The following IGFBP2 variants were observed in gnomAD, a reference collection of about 807,000 sequenced individuals.
IGFBP2 encodes insulin like growth factor binding protein 2, also known as insulin-like growth factor-binding protein 2.
IGFBP2 carries 12 observed loss-of-function variants against 26.2 expected under a neutral mutation model. That is an observed-to-expected ratio of 0.46 (90% CI 0.29 to 0.74). IGFBP2 has a LOEUF of 0.74. IGFBP2 is among the 30% of genes least tolerant of loss of function. IGFBP2 has a pLI of 0.09. For missense variants in IGFBP2, 328 were observed against 441.2 expected (o/e 0.74, Z 2.30); for synonymous variants, 189 against 200.6 (o/e 0.94, Z 0.49).
chr2:216,661,807 C>T (rs755166400), intron 2 of IGFBP2, 51 bp from the exon 3 acceptor site: 21 of 1,610,180 alleles, frequency 1.3e-5, no homozygotes, highest in South Asian at 6.6e-5. Context: ...GCGCGTGCTT[C>T]GTGGGCCTGC....
At chr2:216,650,987 T>C (rs1697809149) in intron 1 of IGFBP2, among the ~76,000 whole-genome samples, 1 of 152,076 alleles carries the variant, frequency 6.6e-6, no homozygotes, top group African/African-American at 2.4e-5. Context: ...TGGGGTGATG[T>C]CATTAACTAA....
Position 216,647,799 on chromosome 2 carries a change from G to T in IGFBP2, c.443-12758G>T, listed in dbSNP as rs61564003. On this transcript the variant is annotated intron_variant, in intron 1 of 3. Transcript: ENST00000233809. ...CCTCCCAAAGTGCTGGGATTACAGG[G>T]GTGAGCCACTGCGCCCGGCCCTTAT... Among the ~76,000 whole-genome samples the T allele has an allele frequency of 8.5e-5, 13 of 152,178 alleles. 1 individual carries two copies. The South Asian group carries it at 1.9e-3, about 22-fold the overall frequency.
At chr2:216,637,391 G>T (rs960550647) in intron 1 of IGFBP2, among the ~76,000 whole-genome samples, 7 of 152,236 alleles carry the variant, frequency 4.6e-5, no homozygotes, top group Admixed American at 3.9e-4. Context: ...ACAGATTCTG[G>T]ACCAGTGAGG....
intron 3 of IGFBP2, chr2:216,663,358 C>G (rs1688696289): frequency 6.6e-6 from 1 of 152,274 alleles, no homozygotes; most frequent in South Asian, 2.1e-4. Context: ...CTCAGCTGTG[C>G]TTCTTACCAG....
chr2:216,644,724 T>C (rs1018808947), intron 1 of IGFBP2, among the ~76,000 whole-genome samples: 1 of 152,192 alleles, frequency 6.6e-6, no homozygotes, highest in Non-Finnish European at 1.5e-5. Context: ...CATTTTGTTT[T>C]TTTTGTTTGT....
At chr2:216,655,898 A>AAAAC (rs1199792006) in intron 1 of IGFBP2, among the ~76,000 whole-genome samples, 2 of 150,726 alleles carry the variant, frequency 1.3e-5, no homozygotes, top group African/African-American at 4.9e-5. Context: ...CTGTCTCAAA[A>AAAAC]AAACAAAAAA....
chr2:216,638,385 G>A (rs938796854), intron 1 of IGFBP2, among the ~76,000 whole-genome samples: 1 of 151,804 alleles, frequency 6.6e-6, no homozygotes, highest in Non-Finnish European at 1.5e-5. Context: ...CCTGCCTGTA[G>A]TCCCAGCTGC....
Position 216,661,907 on chromosome 2 carries a change from T to G in IGFBP2, c.722T>G (p.Met241Arg). ...CAGGTCCTGGAGCGGATCTCCACCA[T>G]GCGCCTTCCGGATGAGCGGGGCCCT... Reference protein sequence around the residue: ...LDQVLERISTMRLPDERGPLE... With the variant: ...LDQVLERISTRRLPDERGPLE... Residue 241 changes from methionine to arginine, a missense_variant, in exon 3 of 4, where the codon ATG (methionine) becomes AGG (arginine). Met to Arg is a moderately conservative substitution (Grantham distance 91, BLOSUM62 -1). Coordinates refer to ENST00000233809, the MANE Select transcript of IGFBP2 (RefSeq NM_000597.3). 1 of 1,614,220 alleles carries G rather than the reference T, an allele frequency of 6.2e-7. No individual in the cohort carries two copies. The highest frequency in any genetic ancestry group is 8.5e-7 in the Non-Finnish European group (1 of 1,180,034).
intron 3 of IGFBP2, chr2:216,663,274 A>G (rs971718779): frequency 6.6e-6 from 1 of 152,264 alleles, no homozygotes; most frequent in East Asian, 1.9e-4. Flanking sequence ...CCTTTGGGTA[A>G]CTAAAGTGAT....
chr2:216,634,906 T>TTTTTTTTTTTTTTTA (rs371560018), intron 1 of IGFBP2, among the ~76,000 whole-genome samples: 6,766 of 128,186 alleles, frequency 0.053, 359 homozygotes, highest in African/African-American at 0.082. Context: ...TTTTTTTTTT[T>TTTTTTTTTTTTTTTA]AATTACGAAA....
chr2:216,635,909 T>C lies in IGFBP2; in HGVS notation c.442+1944T>C, dbSNP rs1424767818. On this transcript the variant is annotated intron_variant, in intron 1 of 3. Coordinates refer to ENST00000233809, the MANE Select transcript of IGFBP2 (RefSeq NM_000597.3). ...AGTGCCCAGACGCCTTCCGCATTTT[T>C]GTGCACCGGCCTGGGAAGAGGGGAT... Among the ~76,000 whole-genome samples the C allele has an allele frequency of 7.2e-5, 11 of 151,888 alleles. No homozygotes were observed. The East Asian group carries it at 1.7e-3, about 24-fold the overall frequency.
chr2:216,654,913 C>T (rs1247831207), intron 1 of IGFBP2, among the ~76,000 whole-genome samples: 1 of 152,216 alleles, frequency 6.6e-6, no homozygotes, highest in African/African-American at 2.4e-5. Flanking sequence ...TCAACTTTGT[C>T]CTCCTGGAGG....
intron 1 of IGFBP2, among the ~76,000 whole-genome samples, chr2:216,656,600 A>C (rs1697928092): frequency 1.3e-5 from 2 of 152,210 alleles, no homozygotes; most frequent in Admixed American, 1.3e-4. Flanking sequence ...GGTAGAGGCC[A>C]GGAATGCTGC....
In IGFBP2 at chr2:216,664,218, G is replaced by A. The variant is rs1574571134; in HGVS notation, c.*114G>A. On this transcript the variant is annotated 3_prime_UTR_variant, in exon 4 of 4. Coordinates refer to ENST00000233809, the MANE Select transcript of IGFBP2 (RefSeq NM_000597.3). This position sits in a 1 kb window ranked among gnomAD's most constrained non-coding sequence, Gnocchi z 4.6. Reference sequence around the variant, plus strand: ...GGAGGATTTTCCAGTTCTGACACACGTATTTATATTTGGAAAGAGACCAGC... The same window carrying A: ...GGAGGATTTTCCAGTTCTGACACACATATTTATATTTGGAAAGAGACCAGC... The A allele has an allele frequency of 3.5e-6, 3 of 858,970 alleles. No individual in the cohort carries two copies. The highest frequency in any genetic ancestry group is 7.3e-4 in the Middle Eastern group (2 of 2,732). 53.2% of individuals were successfully genotyped at this position (858,970 alleles called of 1,614,324 possible).
chr2:216,659,853 G>A, intron 1 of IGFBP2: 1 of 913,228 alleles, frequency 1.1e-6, no homozygotes, highest in Admixed American at 2.0e-5. Context: ...ACGAGGGAAT[G>A]TCAGTGTGGC....
At chr2:216,653,892 G>T (rs886274245) in intron 1 of IGFBP2, among the ~76,000 whole-genome samples, 2 of 152,106 alleles carry the variant, frequency 1.3e-5, no homozygotes, top group African/African-American at 4.8e-5. Context: ...AATCTACAGG[G>T]AAAGTCTCTT....
At chr2:216,639,539 C>T (rs1262204720) in intron 1 of IGFBP2, among the ~76,000 whole-genome samples, 1 of 146,936 alleles carries the variant, frequency 6.8e-6, no homozygotes, top group Admixed American at 6.9e-5. Context: ...GAAGACTGTA[C>T]CCAAAAGAAA....
intron 3 of IGFBP2, chr2:216,663,694 TG>T (rs1182746007): frequency 2.4e-6 from 1 of 424,334 alleles, no homozygotes; most frequent in Admixed American, 3.8e-5. Flanking sequence ...GAGGGGTCCC[TG>T]GGCGGGCAGC....
intron 1 of IGFBP2, among the ~76,000 whole-genome samples, chr2:216,647,725 T>C (rs369655292): frequency 3.3e-5 from 5 of 152,176 alleles, no homozygotes; most frequent in East Asian, 3.9e-4. Context: ...TTTCACCATG[T>C]TAGCCAGGAT....
Sources: allele counts gnomAD v4.1 joint callset (sites outside exome capture counted in the v4.1 genomes callset), GRCh38; gene constraint gnomAD v4.1.1; non-coding constraint Gnocchi (gnomAD v3.1); transcripts MANE v1.5; gene names NCBI Gene and HGNC (gene_info 2026-07-23, HGNC 2026-07-21).